Variants in SNX18 observed in about 807,000 individuals in gnomAD.
SNX18 encodes the protein sorting nexin 18.
In SNX18, 35 loss-of-function variants were observed where a neutral mutation model predicts 48.7. That is an observed-to-expected ratio of 0.72 (90% CI 0.55 to 0.95). The LOEUF (loss-of-function observed/expected upper bound fraction) is 0.95. SNX18 is among the 40% of genes least tolerant of loss of function. The probability of loss-of-function intolerance (pLI) is 0.00; values close to 1 mark genes in which losing one functional copy is unlikely to be tolerated. For missense variants in SNX18, 824 were observed against 871.0 expected, an observed-to-expected ratio of 0.95 and a Z score of 0.68; for synonymous variants, 492 against 384.7, an observed-to-expected ratio of 1.28 and a Z score of -3.26.
the SNX18 span, among the ~76,000 whole-genome samples, chr5:54,597,069 G>T: frequency 1.3e-5 from 2 of 152,180 alleles, no homozygotes; most frequent in Admixed American, 6.5e-5. Context: ...AATTTACCAA[G>T]CAAATGGGAA....
At chr5:54,638,858 C>T in the SNX18 span, among the ~76,000 whole-genome samples, 1 of 152,130 alleles carries the variant, frequency 6.6e-6, no homozygotes, top group Non-Finnish European at 1.5e-5. Flanking sequence ...CCTCCAGGGC[C>T]CGACCTCAAG....
chr5:54,541,096 C>G (rs1445837004), intron 1 of SNX18, among the ~76,000 whole-genome samples: 1 of 151,882 alleles, frequency 6.6e-6, no homozygotes, highest in Non-Finnish European at 1.5e-5. Context: ...GGCGCAATCT[C>G]GGCGCAATGC....
chr5:54,559,141 A>G, the SNX18 span, among the ~76,000 whole-genome samples: 1 of 152,204 alleles, frequency 6.6e-6, no homozygotes, highest in Non-Finnish European at 1.5e-5. Context: ...TAAAATGGCC[A>G]TAGTGCCCAA....
the SNX18 span, among the ~76,000 whole-genome samples, chr5:54,574,793 G>T: frequency 2.4e-3 from 368 of 152,162 alleles, 2 homozygotes; most frequent in African/African-American, 8.4e-3. Flanking sequence ...ATGAAGGGCT[G>T]GAACCACCAG....
chr5:54,612,524 A>T, the SNX18 span, among the ~76,000 whole-genome samples: 20 of 152,048 alleles, frequency 1.3e-4, no homozygotes, highest in South Asian at 2.1e-3. Context: ...CGGCCTCCCA[A>T]AGTGCTGGGA....
the SNX18 span, among the ~76,000 whole-genome samples, chr5:54,585,899 G>A: frequency 4.6e-5 from 7 of 151,860 alleles, no homozygotes. Context: ...CAGCTACTAG[G>A]AAGGCTGAGG....
chr5:54,559,896 AG>A, the SNX18 span, among the ~76,000 whole-genome samples: 4 of 152,238 alleles, frequency 2.6e-5, no homozygotes, highest in African/African-American at 9.6e-5. Flanking sequence ...AAGTGGGCAA[AG>A]GACATGAACA....
chr5:54,547,637 A>C (rs564977998), downstream of SNX18, among the ~76,000 whole-genome samples: 1 of 152,334 alleles, frequency 6.6e-6, no homozygotes, highest in Non-Finnish European at 1.5e-5. Flanking sequence ...TCTCAACAGA[A>C]GGTCTGACTG....
chr5:54,628,594 C>T, the SNX18 span, among the ~76,000 whole-genome samples: 1 of 152,108 alleles, frequency 6.6e-6, no homozygotes, highest in Non-Finnish European at 1.5e-5. Context: ...GGGGTGTGTC[C>T]CCACCTCTAG....
At chr5:54,541,063 T>C (rs546338827) in intron 1 of SNX18, among the ~76,000 whole-genome samples, 2 of 152,274 alleles carry the variant, frequency 1.3e-5, no homozygotes, top group East Asian at 3.9e-4. Flanking sequence ...GTTTTGCTCT[T>C]GTTGCCCAGG....
chr5:54,604,058 A>T, the SNX18 span, among the ~76,000 whole-genome samples: 1 of 152,192 alleles, frequency 6.6e-6, no homozygotes, highest in African/African-American at 2.4e-5. Context: ...GGTACTGGAG[A>T]TTCAGGAATG....
the SNX18 span, among the ~76,000 whole-genome samples, chr5:54,646,349 T>A: frequency 6.6e-6 from 1 of 152,192 alleles, no homozygotes; most frequent in Non-Finnish European, 1.5e-5. Flanking sequence ...GACCAAAATA[T>A]CCCTGTGGGT....
the SNX18 span, among the ~76,000 whole-genome samples, chr5:54,612,571 G>A: frequency 2.8e-4 from 42 of 152,084 alleles, no homozygotes; most frequent in African/African-American, 9.7e-4. Flanking sequence ...CTGAGGGTGG[G>A]ATTTTTAAAC....
intron 1 of SNX18, among the ~76,000 whole-genome samples, chr5:54,526,025 G>A (rs1242958466): frequency 1.3e-5 from 2 of 152,136 alleles, no homozygotes; most frequent in East Asian, 1.9e-4. Flanking sequence ...GAGGGTTCCC[G>A]GGTGTTCTGA....
At chr5:54,639,721 T>C in the SNX18 span, among the ~76,000 whole-genome samples, 1 of 152,154 alleles carries the variant, frequency 6.6e-6, no homozygotes, top group Admixed American at 6.5e-5. Context: ...AGGGACAAGC[T>C]TTGTCTTGAA....
the SNX18 span, among the ~76,000 whole-genome samples, chr5:54,641,728 G>A: frequency 2.6e-5 from 4 of 152,284 alleles, no homozygotes; most frequent in Non-Finnish European, 4.4e-5. Flanking sequence ...TGAGGAGGAC[G>A]CTTTGCTATA....
the SNX18 span, among the ~76,000 whole-genome samples, chr5:54,574,753 G>T: frequency 6.6e-6 from 1 of 152,134 alleles, no homozygotes; most frequent in Non-Finnish European, 1.5e-5. Context: ...GTTTGGGGAT[G>T]TGTGTAGGGG....
intron 1 of SNX18, among the ~76,000 whole-genome samples, chr5:54,537,737 C>T (rs1762383435): frequency 6.6e-6 from 1 of 152,150 alleles, no homozygotes; most frequent in South Asian, 2.1e-4. Context: ...GCTTTCAATG[C>T]TATTGCCTGT....
the SNX18 span, among the ~76,000 whole-genome samples, chr5:54,639,574 C>G: frequency 6.6e-6 from 1 of 150,618 alleles, no homozygotes; most frequent in Non-Finnish European, 1.5e-5. Flanking sequence ...TCAAACAATG[C>G]TAGGAGGTAA....
Sources: gnomAD v4.1 joint callset for allele counts (sites outside exome capture counted in the v4.1 genomes callset) on GRCh38, gnomAD v4.1.1 for gene constraint, MANE v1.5 for transcripts, NCBI Gene and HGNC (gene_info 2026-07-23, HGNC 2026-07-21) for gene names.